The following TMEM177 variants were observed in gnomAD, a reference collection of about 807,000 sequenced individuals.
The protein encoded by TMEM177 is transmembrane protein 177.
In TMEM177, 4 loss-of-function variants were observed where a neutral mutation model predicts 14.2. The ratio of observed to expected loss-of-function variants is 0.28; its 90% CI spans 0.14 to 0.64. TMEM177 has a LOEUF of 0.64. Ranked by LOEUF, TMEM177 falls within the 30% of genes least tolerant of loss-of-function variation. The pLI is 0.82. For missense variants in TMEM177, 344 were observed against 405.2 expected (o/e 0.85, Z 1.30); for synonymous variants, 179 against 174.5 (o/e 1.03, Z -0.20).
At chr2:119,712,716 A>G in the TMEM177 span, among the ~76,000 whole-genome samples, 5 of 152,162 alleles carry the variant, frequency 3.3e-5, no homozygotes, top group Non-Finnish European at 7.3e-5. Flanking sequence ...CTGACACTGA[A>G]AGTTGGTCTG....
At chr2:119,718,205 C>A in the TMEM177 span, among the ~76,000 whole-genome samples, 1 of 152,190 alleles carries the variant, frequency 6.6e-6, no homozygotes, top group African/African-American at 2.4e-5. Context: ...TTCCTTCTGG[C>A]AAACCATATA....
At chr2:119,679,713 T>C (rs1027459501) in intron 1 of TMEM177, 2 of 152,184 alleles carry the variant, frequency 1.3e-5, no homozygotes, top group African/African-American at 4.8e-5. Context: ...AATAAACCAG[T>C]TGGACGGAAG....
At chr2:119,708,856 C>CTT in the TMEM177 span, among the ~76,000 whole-genome samples, 147,513 of 152,208 alleles carry the variant, frequency 0.97, 71,491 homozygotes, top group East Asian at 1. Context: ...GGTATTGACT[C>CTT]TTATTGTTTT....
In TMEM177 at chr2:119,681,484, G is replaced by T; in HGVS notation, c.631G>T (p.Ala211Ser). 1.2e-6 allele frequency: 2 copies of T among 1,613,438 alleles called. No individual in the cohort carries two copies. Among genetic ancestry groups the T allele is most frequent in the Non-Finnish European group, 1.7e-6 (2 of 1,180,038 alleles). ...RAAFSLVAAV[A>S]GFVAYAFSQD... Reference sequence around the variant, plus strand: ...TGCCTTCAGCTTGGTGGCAGCAGTGGCAGGCTTTGTGGCCTACGCCTTCTC... The same window carrying T: ...TGCCTTCAGCTTGGTGGCAGCAGTGTCAGGCTTTGTGGCCTACGCCTTCTC... The change falls in exon 2 of 2, where the codon GCA (alanine) becomes TCA (serine). Residue 211 changes from alanine (A) to serine (S), a missense_variant. Transcript: ENST00000272521.
the TMEM177 span, among the ~76,000 whole-genome samples, chr2:119,700,907 AATTCCCT>A: frequency 3.3e-5 from 5 of 152,152 alleles, no homozygotes; most frequent in Non-Finnish European, 7.4e-5. Flanking sequence ...ATGCATTTGC[AATTCCCT>A]CAGGCCAGGC....
chr2:119,709,785 A>G, the TMEM177 span, among the ~76,000 whole-genome samples: 1 of 152,190 alleles, frequency 6.6e-6, no homozygotes, highest in East Asian at 1.9e-4. Context: ...AGATCGCGCC[A>G]CTGCGCTCCA....
At chr2:119,689,647 T>G (rs1329988518), downstream of TMEM177, among the ~76,000 whole-genome samples, 1 of 152,186 alleles carries the variant, frequency 6.6e-6, no homozygotes, top group Non-Finnish European at 1.5e-5. Context: ...GCTTGGGAAC[T>G]GAACCCAGGC....
At chr2:119,719,864 G>A in the TMEM177 span, among the ~76,000 whole-genome samples, 1 of 152,112 alleles carries the variant, frequency 6.6e-6, no homozygotes, top group Admixed American at 6.6e-5. Flanking sequence ...TGCAATCATA[G>A]CTCACTGCAG....
the TMEM177 span, among the ~76,000 whole-genome samples, chr2:119,699,362 A>G: frequency 6.6e-6 from 1 of 152,134 alleles, no homozygotes; most frequent in Non-Finnish European, 1.5e-5. Flanking sequence ...GGCACGGGGG[A>G]ACCGCCCCCA....
At chr2:119,707,495 G>A in the TMEM177 span, among the ~76,000 whole-genome samples, 1 of 152,208 alleles carries the variant, frequency 6.6e-6, no homozygotes, top group Non-Finnish European at 1.5e-5. Flanking sequence ...TTGTCAGCAG[G>A]CGAAGCTGAC....
the TMEM177 span, among the ~76,000 whole-genome samples, chr2:119,716,149 C>A: frequency 6.6e-6 from 1 of 152,146 alleles, no homozygotes; most frequent in Non-Finnish European, 1.5e-5. Context: ...GAAGACAGGT[C>A]CTGCGACAGG....
downstream of TMEM177, among the ~76,000 whole-genome samples, chr2:119,682,785 G>A (rs1160112977): frequency 2.6e-5 from 4 of 152,224 alleles, no homozygotes; most frequent in African/African-American, 7.2e-5. Flanking sequence ...GCTTGGAGAG[G>A]AGAGGCAGCA....
chr2:119,719,511 C>T, the TMEM177 span, among the ~76,000 whole-genome samples: 10 of 152,150 alleles, frequency 6.6e-5, no homozygotes, highest in Non-Finnish European at 1.3e-4. Flanking sequence ...GCATGAGGTG[C>T]AATTCTGGCT....
In TMEM177 at chr2:119,681,240, G is replaced by A. The variant is rs768323373; in HGVS notation, c.387G>A (p.Val129=). The A allele has an allele frequency of 3.1e-6, 5 of 1,614,168 alleles. No individual in the cohort carries two copies. The highest frequency in any genetic ancestry group is 4.2e-6 in the Non-Finnish European group (5 of 1,180,060). The change falls in exon 2 of 2, where the codon GTG becomes GTA. Residue 129 remains valine, a synonymous_variant. Coordinates refer to ENST00000272521, the MANE Select transcript of TMEM177 (RefSeq NM_030577.3). ...NHPVVIHGHT[V]DWRSPAGARL... ...CCGTGGTCATACATGGGCATACAGTGGACTGGCGGAGCCCAGCAGGCGCCC... is the reference window on the plus strand; with the variant it reads ...CCGTGGTCATACATGGGCATACAGTAGACTGGCGGAGCCCAGCAGGCGCCC...
At chr2:119,696,763 A>G in the TMEM177 span, among the ~76,000 whole-genome samples, 1 of 152,250 alleles carries the variant, frequency 6.6e-6, no homozygotes, top group South Asian at 2.1e-4. Flanking sequence ...GAGGGGAGAC[A>G]AGGGCAGAGG....
At chr2:119,688,663 G>A (rs115775863), downstream of TMEM177, among the ~76,000 whole-genome samples, 2,936 of 152,278 alleles carry the variant, frequency 0.019, 32 homozygotes, top group African/African-American at 0.022. Flanking sequence ...ATCATGCAGC[G>A]TGTGACTGTG....
chr2:119,721,228 G>A, the TMEM177 span, among the ~76,000 whole-genome samples: 2 of 152,190 alleles, frequency 1.3e-5, no homozygotes, highest in Non-Finnish European at 2.9e-5. Context: ...AGGACAGCTG[G>A]AGATTGAGTT....
downstream of TMEM177, among the ~76,000 whole-genome samples, chr2:119,689,905 T>TAAGA (rs1689068697): frequency 6.6e-6 from 1 of 152,208 alleles, no homozygotes; most frequent in Admixed American, 6.5e-5. Flanking sequence ...GACTGGCTTG[T>TAAGA]AAGAAGTCCA....
chr2:119,701,136 TC>T, the TMEM177 span, among the ~76,000 whole-genome samples: 2 of 152,162 alleles, frequency 1.3e-5, no homozygotes, highest in Non-Finnish European at 2.9e-5. Flanking sequence ...TTCCCTTTAT[TC>T]CTTTTTTCTC....
Sources: allele counts gnomAD v4.1 joint callset (sites outside exome capture counted in the v4.1 genomes callset), GRCh38; gene constraint gnomAD v4.1.1; transcripts MANE v1.5; gene names NCBI Gene and HGNC (gene_info 2026-07-23, HGNC 2026-07-21).